ZFPM2: variants seen among roughly 807,000 people sequenced by gnomAD.
ZFPM2 encodes zinc finger protein, FOG family member 2, also known as zinc finger protein ZFPM2.
In ZFPM2, 20 loss-of-function variants were observed where a neutral mutation model predicts 98.6. The ratio of observed to expected loss-of-function variants is 0.20; its 90% CI spans 0.14 to 0.29. ZFPM2 has a LOEUF of 0.29. Ranked by LOEUF, ZFPM2 falls within the 10% of genes least tolerant of loss-of-function variation. The pLI is 1.00. For synonymous variants in ZFPM2, 518 were observed against 502.7 expected (o/e 1.03, Z -0.41); for missense variants, 1,310 against 1,388.6 (o/e 0.94, Z 0.90).
At chr8:105,344,605 G>C (rs1196650190) in intron 1 of ZFPM2, among the ~76,000 whole-genome samples, 1 of 152,040 alleles carries the variant, frequency 6.6e-6, no homozygotes, top group African/African-American at 2.4e-5. Flanking sequence ...GTCCCTAGTT[G>C]TATAAGCTTC....
intron 3 of ZFPM2, among the ~76,000 whole-genome samples, chr8:105,507,781 A>T (rs1813733522): frequency 6.6e-6 from 1 of 152,140 alleles, no homozygotes; most frequent in Admixed American, 6.5e-5. Context: ...GTACCCCTGG[A>T]GAGGAGAAAA....
chr8:105,645,089 TGCATGGC>T (rs1271531963), intron 5 of ZFPM2, among the ~76,000 whole-genome samples: 2 of 152,178 alleles, frequency 1.3e-5, no homozygotes, highest in African/African-American at 2.4e-5. Context: ...TTTTAAACAG[TGCATGGC>T]ACATAATAGC....
intron 3 of ZFPM2, among the ~76,000 whole-genome samples, chr8:105,547,549 A>G: frequency 9.0e-6 from 1 of 111,552 alleles, no homozygotes; most frequent in South Asian, 2.9e-4. Context: ...TCTCAAAAAA[A>G]AAAAAAAAAA....
chr8:105,319,041 G>A, intron 1 of ZFPM2, 60 bp downstream of exon 1: 1 of 1,459,378 alleles, frequency 6.9e-7, no homozygotes, highest in Non-Finnish European at 9.1e-7. Flanking sequence ...GGGGTGCGCG[G>A]GACGGGAAAG....
chr8:105,745,179 G>A (rs545009451), intron 5 of ZFPM2, among the ~76,000 whole-genome samples: 3 of 152,204 alleles, frequency 2.0e-5, no homozygotes, highest in Middle Eastern at 3.4e-3. Context: ...CTTCCATACA[G>A]AAGCTATATT....
intron 5 of ZFPM2, among the ~76,000 whole-genome samples, chr8:105,664,521 A>T (rs1409477701): frequency 6.6e-6 from 1 of 152,040 alleles, no homozygotes; most frequent in Non-Finnish European, 1.5e-5. Flanking sequence ...TTTATTAAAG[A>T]TGGGGTTTCT....
At chr8:105,335,009 A>C (rs1378480168) in intron 1 of ZFPM2, among the ~76,000 whole-genome samples, 1 of 151,708 alleles carries the variant, frequency 6.6e-6, no homozygotes, top group Non-Finnish European at 1.5e-5. Context: ...TAAAATAGAA[A>C]GGTTTTAATT....
chr8:105,412,158 A>T (rs2130041650), intron 1 of ZFPM2, among the ~76,000 whole-genome samples: 1 of 151,994 alleles, frequency 6.6e-6, no homozygotes, highest in African/African-American at 2.4e-5. Context: ...TTTTTATAAG[A>T]TTAAAGAGTA....
At chr8:105,650,882 G>C (rs10111519) in intron 5 of ZFPM2, among the ~76,000 whole-genome samples, 72,424 of 152,024 alleles carry the variant, frequency 0.48, 17,533 homozygotes, top group African/African-American at 0.56. Flanking sequence ...TGTCTATTAG[G>C]TCCGCTTGGT....
rs374672861 is a variant in ZFPM2, at chr8:105,801,748, A to G, written c.1666A>G (p.Thr556Ala). 1.4e-5 allele frequency: 22 copies of G among 1,613,922 alleles called. No individual in the cohort carries two copies. The highest frequency in any genetic ancestry group is 1.8e-5 in the Non-Finnish European group (21 of 1,179,868). ...KGATCFECNI[T>A]FNNLDNYLVH... Reference sequence around the variant, plus strand: ...GGCTACTTGTTTTGAGTGTAACATAACATTCAATAATTTGGATAATTATCT... The same window carrying G: ...GGCTACTTGTTTTGAGTGTAACATAGCATTCAATAATTTGGATAATTATCT... Residue 556 changes from threonine to alanine, a missense_variant, in exon 8 of 8, where the codon ACA (threonine) becomes GCA (alanine). Coordinates refer to ENST00000407775, the MANE Select transcript of ZFPM2 (RefSeq NM_012082.4).
At chr8:105,738,312 G>A (rs1182492547) in intron 5 of ZFPM2, among the ~76,000 whole-genome samples, 1 of 151,936 alleles carries the variant, frequency 6.6e-6, no homozygotes, top group Non-Finnish European at 1.5e-5. Flanking sequence ...AAGGATAGTG[G>A]TCTCTATTTC....
intron 1 of ZFPM2, among the ~76,000 whole-genome samples, chr8:105,347,613 A>C (rs1407842282): frequency 6.6e-6 from 1 of 152,162 alleles, no homozygotes; most frequent in Non-Finnish European, 1.5e-5. Context: ...GCAGTGACAC[A>C]CACAACCCCA....
intron 4 of ZFPM2, among the ~76,000 whole-genome samples, chr8:105,563,376 A>G (rs1815179629): frequency 6.6e-6 from 1 of 152,214 alleles, no homozygotes; most frequent in African/African-American, 2.4e-5. Context: ...TCCCAGGGGT[A>G]TATTTATTAC....
intron 2 of ZFPM2, among the ~76,000 whole-genome samples, chr8:105,429,664 C>T (rs953988006): frequency 3.3e-4 from 47 of 142,344 alleles, no homozygotes; most frequent in African/African-American, 1.1e-3. Flanking sequence ...TAACTTTTAA[C>T]GAGAAACAAC....
chr8:105,393,368 T>TTCTTTCTTTC (rs1563637917), intron 1 of ZFPM2, among the ~76,000 whole-genome samples: 3 of 111,644 alleles, frequency 2.7e-5, no homozygotes, highest in Admixed American at 1.1e-4. Context: ...CTTTCTTTCT[T>TTCTTTCTTTC]TCTTTCTTTC....
At chr8:105,793,364 T>C (rs1400793863) in intron 6 of ZFPM2, among the ~76,000 whole-genome samples, 1 of 152,218 alleles carries the variant, frequency 6.6e-6, no homozygotes, top group Non-Finnish European at 1.5e-5. Context: ...TGGCTGGATA[T>C]GAAATTCTGG....
chr8:105,470,465 T>G (rs1189451683), intron 3 of ZFPM2, among the ~76,000 whole-genome samples: 1 of 152,170 alleles, frequency 6.6e-6, no homozygotes, highest in Non-Finnish European at 1.5e-5. Context: ...AACATGGAAG[T>G]GGTAGCTTGT....
intron 5 of ZFPM2, among the ~76,000 whole-genome samples, chr8:105,736,204 T>C (rs1234015178): frequency 6.6e-6 from 1 of 151,940 alleles, no homozygotes; most frequent in Non-Finnish European, 1.5e-5. Flanking sequence ...GATGCCAAGA[T>C]ATCTATGAGT....
chr8:105,687,521 G>C (rs78352932), intron 5 of ZFPM2, among the ~76,000 whole-genome samples: 1 of 152,130 alleles, frequency 6.6e-6, no homozygotes, highest in Non-Finnish European at 1.5e-5. Flanking sequence ...TTGTGAAGAA[G>C]ATGTAAACTG....
Sources: gnomAD v4.1 joint callset for allele counts (sites outside exome capture counted in the v4.1 genomes callset) on GRCh38, gnomAD v4.1.1 for gene constraint, MANE v1.5 for transcripts, NCBI Gene and HGNC (gene_info 2026-07-23, HGNC 2026-07-21) for gene names.